The following ZFYVE27 variants were observed in gnomAD, a reference collection of about 807,000 sequenced individuals.
ZFYVE27 encodes protrudin.
ZFYVE27 carries 36 observed loss-of-function variants against 52.8 expected under a neutral mutation model. That is an observed-to-expected ratio of 0.68 (90% CI 0.52 to 0.90). The LOEUF (loss-of-function observed/expected upper bound fraction) is 0.90, where lower values mean the gene tolerates loss of function less well. Ranked by LOEUF, ZFYVE27 falls within the 40% of genes least tolerant of loss-of-function variation. ZFYVE27 has a pLI of 0.00. For synonymous variants in ZFYVE27, 223 were observed against 215.6 expected, an observed-to-expected ratio of 1.03 and a Z score of -0.30; for missense variants, 450 against 527.2, an observed-to-expected ratio of 0.85 and a Z score of 1.43.
Position 97,759,426 on chromosome 10 carries a change from C to T in ZFYVE27, c.*126C>T. ...GTGGCCTGAATGCTAGGTAGGCTTC[C>T]CCTTCCTTCCTCACTCTCTCCAGCT... is the stretch of plus-strand genomic sequence containing the variant. On this transcript the variant is annotated 3_prime_UTR_variant, in exon 13 of 13. Transcript: ENST00000684270. 1 of 937,478 alleles carries T rather than the reference C, an allele frequency of 1.1e-6. No homozygotes were observed. The highest frequency in any genetic ancestry group is 1.7e-6 in the Non-Finnish European group (1 of 585,360). The allele number at this position is 937,478 out of a possible 1,614,324, so 58.1% of individuals were successfully genotyped here.
At chr10:97,758,484 C>A (rs1164593082) in intron 12 of ZFYVE27, among the ~76,000 whole-genome samples, 1 of 151,676 alleles carries the variant, frequency 6.6e-6, no homozygotes, top group Middle Eastern at 3.4e-3. Context: ...CCACCACACC[C>A]GGCTAATTTT....
chr10:97,758,773 G>A (rs1295665087), intron 12 of ZFYVE27, among the ~76,000 whole-genome samples: 2 of 151,880 alleles, frequency 1.3e-5, no homozygotes, highest in Non-Finnish European at 1.5e-5. Context: ...AAATTTCACT[G>A]TGATATTTTA....
chr10:97,760,823 T>G lies in ZFYVE27; in HGVS notation c.*1523T>G, dbSNP rs1590130352. 1.3e-5 allele frequency: 2 copies of G among 152,402 alleles called. No homozygotes were observed. The highest frequency in any genetic ancestry group is 4.8e-5 in the African/African-American group (2 of 41,600). 9.4% of individuals were successfully genotyped at this position (152,402 alleles called of 1,614,324 possible). A position where few individuals can be genotyped will look rare whatever the true frequency, so the allele number is the denominator to read the frequency against. ...GAGGAGAGTTCAGTACCCCGTGCTT[T>G]CTTTACACTGGAGAGGAACTAAAAG... is the stretch of plus-strand genomic sequence containing the variant. On this transcript the variant is annotated 3_prime_UTR_variant, in exon 13 of 13. Coordinates refer to ENST00000684270, the MANE Select transcript of ZFYVE27 (RefSeq NM_001385875.1).
chr10:97,754,807 A>G (rs1232797806), intron 10 of ZFYVE27: 13 of 1,289,114 alleles, frequency 1.0e-5, no homozygotes, highest in Non-Finnish European at 1.3e-5. Context: ...CACAAGAAGT[A>G]TTACTCTGGT....
At chr10:97,757,813 A>G in intron 12 of ZFYVE27, 90 bp downstream of exon 12, 3 of 1,366,762 alleles carry the variant, frequency 2.2e-6, no homozygotes, top group Non-Finnish European at 3.1e-6. Context: ...TCAGAGGTCA[A>G]GGGAACTTGG....
rs17108378 is a variant in ZFYVE27, at chr10:97,743,140, G to A, written c.244G>A (p.Val82Ile). Residue 82 changes from valine (V) to isoleucine (I), a missense_variant, in exon 3 of 13, where the codon GTC becomes ATC. Val to Ile is a conservative substitution (Grantham distance 29, BLOSUM62 3). Coordinates refer to ENST00000684270, the MANE Select transcript of ZFYVE27 (RefSeq NM_001385875.1). ...CSLLTCLGLN[V>I]LFLTLNEGAW... is the part of the protein sequence containing the mutation. ...CTTGCTGACCTGCCTGGGCCTCAAC[G>A]TCTTGTTCCTCACTTTGAATGAGGG... 0.031 allele frequency: 49,569 copies of A among 1,614,168 alleles called. 900 individuals are homozygous for A. Among genetic ancestry groups the A allele is most frequent in the South Asian group, 0.056 (5,064 of 91,076 alleles).
In ZFYVE27 at chr10:97,753,053, G is replaced by T. The variant is rs1405750745; in HGVS notation, c.913G>T (p.Ala305Ser). The T allele has an allele frequency of 6.2e-7, 1 of 1,611,714 alleles. No individual in the cohort carries two copies. Among genetic ancestry groups the T allele is most frequent in the Non-Finnish European group, 8.5e-7 (1 of 1,179,170 alleles). ...HLVVLEDDEG[A>S]PCPAEDELAL... ...GTTCCCACAGGAGGATGATGAGGGC[G>T]CCCCGTGCCCAGCAGAGGATGAGCT... Residue 305 changes from alanine to serine, a missense_variant, in exon 10 of 13, where the codon GCC becomes TCC. By Grantham distance (99) the Ala-to-Ser change is moderately conservative. Transcript: ENST00000684270.
chr10:97,748,508 CA>C (rs2046062989), intron 5 of ZFYVE27, 144 bp downstream of exon 5: 2 of 738,330 alleles, frequency 2.7e-6, no homozygotes, highest in Non-Finnish European at 4.7e-6. Context: ...TATATCTGCA[CA>C]TATGCTTGCG....
chr10:97,757,205 G>A lies in ZFYVE27; in HGVS notation c.1043-60G>A, dbSNP rs1347188475. 14 of 1,611,184 alleles carry A rather than the reference G, an allele frequency of 8.7e-6. No individual in the cohort carries two copies. The African/African-American group carries it at 1.2e-4, about 14-fold the overall frequency. ...AGTGTCCCATTTAGAAGCGCCAGGA[G>A]CAGGTGAGCGTGAGAGTCCTGGGAT... On this transcript the variant is annotated intron_variant, in intron 10 of 12. Transcript: ENST00000684270.
rs774610913 is a variant in ZFYVE27 at position 97,738,644 on chromosome 10, A to G, written c.167A>G (p.Asp56Gly). Residue 56 changes from aspartate to glycine, a missense_variant, in exon 2 of 13, where the codon GAT (aspartate) becomes GGT (glycine). Transcript: ENST00000684270. The part of the protein sequence containing the change: ...RLEIYLEPLK[D>G]AGDGVRYLLR... ...GAGATCTACCTGGAACCCTTGAAGG[A>G]TGCAGGTGATGGTGTTCGATACTTG... 2 of 1,614,200 alleles carry G rather than the reference A, an allele frequency of 1.2e-6. No individual in the cohort carries two copies. The highest frequency in any genetic ancestry group is 2.2e-5 in the East Asian group (1 of 44,882).
intron 4 of ZFYVE27, among the ~76,000 whole-genome samples, chr10:97,745,810 C>T (rs1475435996): frequency 6.6e-6 from 1 of 152,050 alleles, no homozygotes; most frequent in Admixed American, 6.6e-5. Context: ...AAATATTCAT[C>T]TAACAACTTC....
chr10:97,756,584 C>T (rs987858354), intron 10 of ZFYVE27, among the ~76,000 whole-genome samples: 4 of 152,196 alleles, frequency 2.6e-5, no homozygotes, highest in Non-Finnish European at 4.4e-5. Flanking sequence ...GTCTTCTAGC[C>T]ATTTTCTAAG....
intron 10 of ZFYVE27, 120 bp from the exon 11 acceptor site, chr10:97,757,145 C>G: frequency 1.4e-6 from 2 of 1,422,196 alleles, no homozygotes; most frequent in Non-Finnish European, 2.0e-6. Flanking sequence ...CCCTGGCTCA[C>G]TGTGTCCAGC....
chr10:97,745,049 C>T (rs1215607342), intron 4 of ZFYVE27, 134 bp downstream of exon 4: 32 of 1,072,438 alleles, frequency 3.0e-5, no homozygotes, highest in Admixed American at 1.5e-4. Flanking sequence ...TTAACAGTTC[C>T]GGGAGGTAGT....
chr10:97,755,215 T>C (rs905266929), intron 10 of ZFYVE27, among the ~76,000 whole-genome samples: 2 of 152,246 alleles, frequency 1.3e-5, no homozygotes, highest in African/African-American at 4.8e-5. Flanking sequence ...CTTTCCCTTT[T>C]CTGAGATGTT....
intron 5 of ZFYVE27, among the ~76,000 whole-genome samples, chr10:97,748,955 GT>G (rs2046208901): frequency 6.6e-6 from 1 of 152,156 alleles, no homozygotes; most frequent in Non-Finnish European, 1.5e-5. Context: ...CAGAATGGGT[GT>G]TTTTGAGGCT....
intron 2 of ZFYVE27, among the ~76,000 whole-genome samples, chr10:97,739,000 C>T (rs1405935053): frequency 2.6e-5 from 4 of 152,182 alleles, no homozygotes; most frequent in African/African-American, 7.2e-5. Context: ...TTCCTTTGCC[C>T]CCAATATTAG....
chr10:97,759,134 T>TG lies in ZFYVE27; in HGVS notation c.1172-96dup, dbSNP rs558330606. The TG allele has an allele frequency of 8.3e-3, 10,287 of 1,238,302 alleles. 80 individuals carry two copies. The highest frequency in any genetic ancestry group is 0.011 in the Middle Eastern group (61 of 5,378). The allele number at this position is 1,238,302 out of a possible 1,614,324, so 76.7% of individuals were successfully genotyped here. A position where few individuals can be genotyped will look rare whatever the true frequency, so the allele number is the denominator to read the frequency against. The stretch of plus-strand genomic sequence containing the variant: ...CTGGGCAGGGAGGGTGTGGGCTGGG[T>TG]GGGGGGTCTGTGTGGGGCATTTGGG... On this transcript the variant is annotated intron_variant, in intron 12 of 12. Coordinates refer to ENST00000684270, the MANE Select transcript of ZFYVE27 (RefSeq NM_001385875.1).
In ZFYVE27 at chr10:97,750,376, A is replaced by C; in HGVS notation, c.710A>C (p.Lys237Thr). The C allele has an allele frequency of 6.2e-7, 1 of 1,614,182 alleles. No individual in the cohort carries two copies. The highest frequency in any genetic ancestry group is 8.5e-7 in the Non-Finnish European group (1 of 1,180,036). The change falls in exon 7 of 13, where the codon AAG (lysine) becomes ACG (threonine). Residue 237 changes from lysine to threonine, a missense_variant. Physicochemically the swap from Lys to Thr is moderately conservative, Grantham distance 78. Transcript: ENST00000684270. ...RASLQQRMNP[K>T]QEEHAFESPP... ...TCTCTGCAGCAGAGGATGAACCCAA[A>C]GCAGGAAGAGCATGCCTTTGAGAGT...
Sources: gnomAD v4.1 joint callset for allele counts (sites outside exome capture counted in the v4.1 genomes callset) on GRCh38, gnomAD v4.1.1 for gene constraint, MANE v1.5 for transcripts, NCBI Gene and HGNC (gene_info 2026-07-23, HGNC 2026-07-21) for gene names.